Variants in HHAT observed in about 807,000 individuals in gnomAD.
HHAT encodes the protein protein-cysteine N-palmitoyltransferase HHAT.
A neutral mutation model predicts 70.8 loss-of-function variants in HHAT; 47 were observed. The observed-to-expected ratio is 0.66, with a 90% CI of 0.53 to 0.85. The LOEUF (loss-of-function observed/expected upper bound fraction) is 0.85, where lower values mean the gene tolerates loss of function less well. Ranked by LOEUF, HHAT falls within the 40% of genes least tolerant of loss-of-function variation. The probability of loss-of-function intolerance (pLI) is 0.00; values close to 1 mark genes in which losing one functional copy is unlikely to be tolerated. For missense variants in HHAT, 609 were observed against 604.8 expected (o/e 1.01, Z -0.07); for synonymous variants, 228 against 247.6 (o/e 0.92, Z 0.74).
intron 11 of HHAT, among the ~76,000 whole-genome samples, chr1:210,648,243 T>A (rs1163695686): frequency 6.6e-6 from 1 of 152,216 alleles, no homozygotes; most frequent in Non-Finnish European, 1.5e-5. Flanking sequence ...CAGACCCTCC[T>A]GGTGCAGTAT....
chr1:210,627,967 C>T (rs1670146207), intron 11 of HHAT, among the ~76,000 whole-genome samples: 1 of 152,154 alleles, frequency 6.6e-6, no homozygotes, highest in Admixed American at 6.5e-5. Flanking sequence ...CTCTCAGAAG[C>T]ACTTGTTAAT....
Position 210,674,522 on chromosome 1 carries a change from G to A in HHAT, c.*143G>A. The A allele has an allele frequency of 1.7e-6, 1 of 601,160 alleles. No individual in the cohort carries two copies. The highest frequency in any genetic ancestry group is 2.2e-5 in the South Asian group (1 of 45,860). The allele number at this position is 601,160 out of a possible 1,614,324, so 37.2% of individuals were successfully genotyped here. On this transcript the variant is annotated 3_prime_UTR_variant, in exon 12 of 12. Coordinates refer to ENST00000261458, the MANE Select transcript of HHAT (RefSeq NM_018194.6). The stretch of plus-strand genomic sequence containing the variant: ...GCCCTCACTCCAAGACTGGATGCTG[G>A]ATCTCATAGAAAATTCACAGCCAGA...
chr1:210,391,889 A>G (rs2091483286), intron 4 of HHAT, among the ~76,000 whole-genome samples: 1 of 151,954 alleles, frequency 6.6e-6, no homozygotes, highest in Non-Finnish European at 1.5e-5. Context: ...CCCCCTTTAC[A>G]GACAGGATCT....
chr1:210,669,205 C>G (rs1446743562), intron 11 of HHAT, among the ~76,000 whole-genome samples: 1 of 152,204 alleles, frequency 6.6e-6, no homozygotes, highest in African/African-American at 2.4e-5. Flanking sequence ...CAGTATCAAA[C>G]CGCAGGCTTT....
intron 11 of HHAT, among the ~76,000 whole-genome samples, chr1:210,655,975 AT>A (rs1676315501): frequency 1.3e-5 from 2 of 152,200 alleles, no homozygotes; most frequent in Admixed American, 1.3e-4. Flanking sequence ...TCGGAGGCAG[AT>A]ATCTGCAATG....
intron 7 of HHAT, among the ~76,000 whole-genome samples, chr1:210,456,992 T>C (rs913163349): frequency 2.0e-5 from 3 of 152,154 alleles, no homozygotes; most frequent in African/African-American, 7.2e-5. Flanking sequence ...CCCCTACCAG[T>C]CACATTTACT....
intron 3 of HHAT, among the ~76,000 whole-genome samples, chr1:210,377,195 T>A (rs7355019): frequency 0.24 from 36,127 of 152,144 alleles, 5,295 homozygotes; most frequent in African/African-American, 0.42. Flanking sequence ...ATGGTATGTG[T>A]GATTTATTAG....
chr1:210,578,295 A>T (rs549697920), intron 9 of HHAT, among the ~76,000 whole-genome samples: 1 of 152,196 alleles, frequency 6.6e-6, no homozygotes, highest in South Asian at 2.1e-4. Context: ...ATGAGATATC[A>T]CTTCATATGT....
chr1:210,461,534 T>C (rs939370286), intron 7 of HHAT, among the ~76,000 whole-genome samples: 1 of 152,094 alleles, frequency 6.6e-6, no homozygotes, highest in Non-Finnish European at 1.5e-5. Flanking sequence ...TCTCCTGGCC[T>C]TTTGTGATCT....
chr1:210,615,591 T>A (rs1401370404), intron 10 of HHAT, among the ~76,000 whole-genome samples: 2 of 152,172 alleles, frequency 1.3e-5, no homozygotes, highest in Admixed American at 6.5e-5. Context: ...GTCTTTGACG[T>A]TGGTGACGTA....
At chr1:210,333,297 A>G (rs2085162914) in intron 1 of HHAT, among the ~76,000 whole-genome samples, 1 of 152,126 alleles carries the variant, frequency 6.6e-6, no homozygotes, top group Non-Finnish European at 1.5e-5. Flanking sequence ...TGCTAGCATC[A>G]CTTGTAGTCC....
chr1:210,593,757 A>G (rs754871356), intron 10 of HHAT, among the ~76,000 whole-genome samples: 2 of 152,038 alleles, frequency 1.3e-5, no homozygotes, highest in Non-Finnish European at 2.9e-5. Flanking sequence ...CTAATTCTGA[A>G]AGTAGGGTGT....
At chr1:210,383,209 A>C (rs904252432) in intron 3 of HHAT, among the ~76,000 whole-genome samples, 2 of 151,956 alleles carry the variant, frequency 1.3e-5, no homozygotes, top group African/African-American at 4.8e-5. Context: ...GTGTGGTGGT[A>C]TGCACCTGTA....
intron 8 of HHAT, among the ~76,000 whole-genome samples, chr1:210,487,751 C>T (rs1194741418): frequency 6.6e-6 from 1 of 152,140 alleles, no homozygotes; most frequent in Non-Finnish European, 1.5e-5. Flanking sequence ...TATAAATTTT[C>T]CCTTTTATAA....
intron 9 of HHAT, among the ~76,000 whole-genome samples, chr1:210,534,155 T>C (rs1481538801): frequency 6.6e-6 from 1 of 152,172 alleles, no homozygotes; most frequent in Admixed American, 6.5e-5. Flanking sequence ...CTAGGTGCTG[T>C]TCTGGGCACT....
At chr1:210,625,019 G>C (rs981033735) in intron 11 of HHAT, among the ~76,000 whole-genome samples, 2 of 152,198 alleles carry the variant, frequency 1.3e-5, no homozygotes, top group Admixed American at 6.5e-5. Flanking sequence ...CAGTATTCCA[G>C]AATGGCAGAC....
At chr1:210,564,201 G>A (rs2148715856) in intron 9 of HHAT, among the ~76,000 whole-genome samples, 1 of 151,382 alleles carries the variant, frequency 6.6e-6, no homozygotes, top group South Asian at 2.1e-4. Context: ...GACCTCAAGT[G>A]ATCCGCCCAC....
chr1:210,626,787 TG>T (rs1669916936), intron 11 of HHAT, among the ~76,000 whole-genome samples: 2 of 152,198 alleles, frequency 1.3e-5, no homozygotes, highest in African/African-American at 2.4e-5. Context: ...CAGTCTCTGC[TG>T]GGGGTGTTCA....
chr1:210,569,635 G>A (rs986778833), intron 9 of HHAT, among the ~76,000 whole-genome samples: 22 of 152,020 alleles, frequency 1.4e-4, no homozygotes, highest in African/African-American at 5.3e-4. Context: ...AGTGATATTA[G>A]CGATACATTG....
Sources: allele counts gnomAD v4.1 joint callset (sites outside exome capture counted in the v4.1 genomes callset), GRCh38; gene constraint gnomAD v4.1.1; transcripts MANE v1.5; gene names NCBI Gene and HGNC (gene_info 2026-07-23, HGNC 2026-07-21).